The following CAGE1 variants were observed in gnomAD, a reference collection of about 807,000 sequenced individuals.
The protein encoded by CAGE1 is cancer-associated gene 1 protein.
Under a neutral mutation model 94.9 loss-of-function variants are expected in CAGE1, and 66 were observed. That is an observed-to-expected ratio of 0.70 (90% CI 0.57 to 0.85). The LOEUF (loss-of-function observed/expected upper bound fraction) is 0.85. CAGE1 is among the 40% of genes least tolerant of loss of function. CAGE1 has a pLI of 0.00. For synonymous variants in CAGE1, 319 were observed against 321.0 expected, an observed-to-expected ratio of 0.99 and a Z score of 0.07; for missense variants, 865 against 950.4, an observed-to-expected ratio of 0.91 and a Z score of 1.18.
intron 11 of CAGE1, chr6:7,341,063 G>A: frequency 2.0e-6 from 1 of 508,052 alleles, no homozygotes; most frequent in Non-Finnish European, 3.9e-6. Flanking sequence ...CAGATATAGA[G>A]GCCAGAGCTG....
intron 11 of CAGE1, among the ~76,000 whole-genome samples, chr6:7,334,377 T>A (rs1490459642): frequency 6.6e-6 from 1 of 152,176 alleles, no homozygotes; most frequent in Non-Finnish European, 1.5e-5. Context: ...AGTGGTTTAC[T>A]CATACTGATC....
Position 7,359,640 on chromosome 6 carries a change from A to G in CAGE1, c.2194-3511T>C, listed in dbSNP as rs367745196. 3.9e-5 allele frequency among the ~76,000 whole-genome samples: 6 copies of G among 152,368 alleles called. No homozygotes were observed. In the South Asian group the frequency reaches 6.2e-4, roughly 16 times the overall value. On this transcript the variant is annotated intron_variant, in intron 9 of 13. Transcript: ENST00000502583. Reference sequence around the variant, plus strand: ...GTGTGGACTACAGCCAGTGAGAGGCAGAGAAGCCAAGATGAGGTTCACTCA... The same window carrying G: ...GTGTGGACTACAGCCAGTGAGAGGCGGAGAAGCCAAGATGAGGTTCACTCA...
intron 5 of CAGE1, among the ~76,000 whole-genome samples, chr6:7,370,735 A>G (rs1047165800): frequency 6.6e-6 from 1 of 152,220 alleles, no homozygotes; most frequent in African/African-American, 2.4e-5. Context: ...TATTTGCTTC[A>G]CACATTCCAT....
intron 9 of CAGE1, among the ~76,000 whole-genome samples, chr6:7,358,027 G>GATATATATATATGTATATATATAT (rs1554138207): frequency 2.3e-4 from 11 of 48,086 alleles, no homozygotes; most frequent in Non-Finnish European, 3.9e-4. Context: ...TAAGTTTTGA[G>GATATATATATATGTATATATATAT]ATATATATAT....
chr6:7,345,258 A>G (rs889891589), intron 11 of CAGE1, among the ~76,000 whole-genome samples: 2 of 152,224 alleles, frequency 1.3e-5, no homozygotes, highest in Non-Finnish European at 2.9e-5. Context: ...AACTCCAGAC[A>G]CGCTACCTTA....
intron 11 of CAGE1, chr6:7,341,377 T>G (rs1437896761): frequency 6.3e-6 from 5 of 794,228 alleles, no homozygotes; most frequent in Non-Finnish European, 8.7e-6. Flanking sequence ...AGACTTTTCA[T>G]GCTTAGGACA....
chr6:7,334,476 C>G (rs954756086), intron 11 of CAGE1, among the ~76,000 whole-genome samples: 2 of 152,122 alleles, frequency 1.3e-5, no homozygotes, highest in Admixed American at 1.3e-4. Flanking sequence ...CACCTGTAAT[C>G]CCAGCACTTT....
At chr6:7,357,389 G>A (rs1759994270) in intron 9 of CAGE1, among the ~76,000 whole-genome samples, 2 of 152,100 alleles carry the variant, frequency 1.3e-5, no homozygotes, top group African/African-American at 2.4e-5. Flanking sequence ...CATCCTGGAG[G>A]GGGGTTCCAC....
chr6:7,372,541 C>T (rs750073622), intron 5 of CAGE1, among the ~76,000 whole-genome samples: 4 of 151,850 alleles, frequency 2.6e-5, no homozygotes, highest in African/African-American at 4.8e-5. Context: ...AAAATTCCCA[C>T]GTTAATGGCC....
rs1397532266 is a variant in CAGE1 at position 7,365,524 on chromosome 6, G to A, written c.2137C>T (p.Leu713Phe). ...TACTTATCCAGTTTGGCTCCCAGAA[G>A]GGTAGGTACATCTCTGATACTCTTG... ...EAKSIRDVPT[L>F]LGAKLDKYHS... Residue 713 changes from leucine (L) to phenylalanine (F), a missense_variant, in exon 9 of 14, where the codon CTT becomes TTT. Transcript: ENST00000502583. 6.2e-7 allele frequency: 1 copy of A among 1,613,244 alleles called. No homozygotes were observed.
intron 11 of CAGE1, 31 bp downstream of exon 11, chr6:7,355,010 A>G (rs1333366189): frequency 7.2e-6 from 11 of 1,531,316 alleles, no homozygotes; most frequent in African/African-American, 1.4e-5. Context: ...GTAAATATTC[A>G]CAAAATTAAG....
intron 3 of CAGE1, among the ~76,000 whole-genome samples, chr6:7,379,585 G>A (rs1760864782): frequency 6.6e-6 from 1 of 152,190 alleles, no homozygotes; most frequent in Admixed American, 6.5e-5. Context: ...AAATTATGCA[G>A]ATGTAATGTT....
chr6:7,357,118 C>A (rs994139021), intron 9 of CAGE1, among the ~76,000 whole-genome samples: 3 of 152,080 alleles, frequency 2.0e-5, no homozygotes, highest in Admixed American at 6.6e-5. Context: ...AATATACTTA[C>A]ATGTCTGTAG....
chr6:7,369,881 C>T (rs557484739), intron 6 of CAGE1, 38 bp downstream of exon 6: 2 of 1,552,578 alleles, frequency 1.3e-6, no homozygotes, highest in Admixed American at 2.0e-5. Context: ...GTATTTATTC[C>T]TCCCCTACTA....
chr6:7,333,829 G>A (rs1432741195), intron 12 of CAGE1, among the ~76,000 whole-genome samples, 193 bp downstream of exon 12: 1 of 151,490 alleles, frequency 6.6e-6, no homozygotes, highest in African/African-American at 2.4e-5. Context: ...CACCATGCCC[G>A]GCTAATTTTC....
chr6:7,329,932 G>T (rs750355084), intron 12 of CAGE1, 44 bp from the exon 13 acceptor site: 11 of 861,788 alleles, frequency 1.3e-5, no homozygotes, highest in Middle Eastern at 2.3e-4. Context: ...GAGGAAGGGG[G>T]GACTGAAATA....
chr6:7,380,480 T>C (rs1240203835), intron 3 of CAGE1, among the ~76,000 whole-genome samples: 1 of 151,930 alleles, frequency 6.6e-6, no homozygotes, highest in African/African-American at 2.4e-5. Context: ...CTACTAAAAA[T>C]ACAAAACTTA....
chr6:7,373,522 TA>T lies in CAGE1; in HGVS notation c.1296del (p.Asn432LysfsTer4), dbSNP rs754788098. ...ATCTCTAAATACTGACTTACAGATT[TA>T]TTTTTTTGTTGCATTTCAGTCATGT... ...ERYMTEMQQK[N>X]KSVSQYLEMD... On this transcript the variant is annotated frameshift_variant, in exon 5 of 14. Coordinates refer to ENST00000502583, the MANE Select transcript of CAGE1 (RefSeq NM_001170692.2). LOFTEE classifies it high-confidence loss of function. 5.6e-6 allele frequency: 9 copies of T among 1,613,814 alleles called. No homozygotes were observed. The highest frequency in any genetic ancestry group is 6.8e-6 in the Non-Finnish European group (8 of 1,179,856).
chr6:7,365,763 T>G (rs762334844), intron 8 of CAGE1, 41 bp downstream of exon 8: 2 of 1,378,752 alleles, frequency 1.5e-6, no homozygotes, highest in South Asian at 2.6e-5. Flanking sequence ...AAATTGTATA[T>G]TTTTATGTTA....
Sources: gnomAD v4.1 joint callset for allele counts (sites outside exome capture counted in the v4.1 genomes callset) on GRCh38, gnomAD v4.1.1 for gene constraint, MANE v1.5 for transcripts, NCBI Gene and HGNC (gene_info 2026-07-23, HGNC 2026-07-21) for gene names.